The following PSMD1 variants were observed in gnomAD, a reference collection of about 807,000 sequenced individuals.
PSMD1 encodes the protein proteasome 26S subunit, non-ATPase 1, also known as 26S proteasome non-ATPase regulatory subunit 1.
Under a neutral mutation model 119.0 loss-of-function variants are expected in PSMD1, and 18 were observed. The observed-to-expected ratio is 0.15, with a 90% CI of 0.10 to 0.22. The LOEUF is 0.22. PSMD1 is among the 10% of genes least tolerant of loss of function. The pLI is 1.00. For missense variants in PSMD1, 702 were observed against 1,158.5 expected, an observed-to-expected ratio of 0.61 and a Z score of 5.72; for synonymous variants, 374 against 396.6, an observed-to-expected ratio of 0.94 and a Z score of 0.68.
chr2:231,070,257 T>C, intron 6 of PSMD1, 89 bp downstream of exon 6: 1 of 1,075,838 alleles, frequency 9.3e-7, no homozygotes, highest in South Asian at 4.3e-5. Flanking sequence ...TTTATATTAC[T>C]ATAATGGCTT....
intron 16 of PSMD1, chr2:231,123,407 A>G (rs772365577): frequency 6.2e-7 from 1 of 1,604,120 alleles, no homozygotes; most frequent in East Asian, 2.2e-5. Context: ...AAAGTGAAAT[A>G]CTTACCAAAC....
chr2:231,103,241 T>A (rs1036123352), intron 16 of PSMD1, among the ~76,000 whole-genome samples: 1 of 152,242 alleles, frequency 6.6e-6, no homozygotes, highest in African/African-American at 2.4e-5. Flanking sequence ...ACACCAGTTT[T>A]CTTGAATATG....
chr2:231,136,090 C>CT (rs1383916827), intron 16 of PSMD1, among the ~76,000 whole-genome samples: 4 of 152,048 alleles, frequency 2.6e-5, no homozygotes, highest in Non-Finnish European at 5.9e-5. Flanking sequence ...ACAGGATAGT[C>CT]TTTTTTTAAA....
chr2:231,122,186 A>G (rs560282370), intron 16 of PSMD1, among the ~76,000 whole-genome samples: 4 of 152,260 alleles, frequency 2.6e-5, no homozygotes, highest in African/African-American at 7.2e-5. Flanking sequence ...GTAGAACTTT[A>G]CTCATTACTG....
At chr2:231,149,526 A>G (rs1696326532) in intron 18 of PSMD1, among the ~76,000 whole-genome samples, 1 of 152,242 alleles carries the variant, frequency 6.6e-6, no homozygotes, top group African/African-American at 2.4e-5. Flanking sequence ...CATATTAAGT[A>G]TCATATATAA....
At chr2:231,126,558 A>T (rs893573655) in intron 16 of PSMD1, among the ~76,000 whole-genome samples, 15 of 152,214 alleles carry the variant, frequency 9.9e-5, no homozygotes, top group Non-Finnish European at 1.9e-4. Context: ...GTAATGTCAG[A>T]TTGAAAATAG....
chr2:231,106,141 A>AAATT (rs1202820775), intron 16 of PSMD1, among the ~76,000 whole-genome samples: 1 of 151,884 alleles, frequency 6.6e-6, no homozygotes, highest in Admixed American at 6.6e-5. Context: ...ATTTGCTTTC[A>AAATT]AATTATACAT....
At chr2:231,098,584 C>T (rs1694784136) in intron 16 of PSMD1, among the ~76,000 whole-genome samples, 1 of 151,870 alleles carries the variant, frequency 6.6e-6, no homozygotes, top group Admixed American at 6.6e-5. Flanking sequence ...TCTCCCCTCT[C>T]TGCTGTTCTT....
intron 11 of PSMD1, 29 bp from the exon 12 acceptor site, chr2:231,080,112 G>A (rs894597328): frequency 1.3e-6 from 2 of 1,555,520 alleles, no homozygotes; most frequent in African/African-American, 2.8e-5. Flanking sequence ...TTCTCTTTTT[G>A]ATGTCTTTGT....
At chr2:231,119,869 C>CAAA (rs78246469) in intron 16 of PSMD1, among the ~76,000 whole-genome samples, 22 of 79,944 alleles carry the variant, frequency 2.8e-4, no homozygotes, top group Non-Finnish European at 3.9e-4. Flanking sequence ...GACTCCGTCT[C>CAAA]AAAAAAAAAA....
At chr2:231,092,580 G>T (rs1234865107) in intron 16 of PSMD1, among the ~76,000 whole-genome samples, 2 of 152,158 alleles carry the variant, frequency 1.3e-5, no homozygotes, top group Non-Finnish European at 2.9e-5. Context: ...CCCTCCATCG[G>T]CCCAAATTGT....
intron 21 of PSMD1, among the ~76,000 whole-genome samples, chr2:231,164,435 A>C (rs924024790): frequency 2.0e-5 from 3 of 152,192 alleles, no homozygotes; most frequent in African/African-American, 4.8e-5. Flanking sequence ...TACTCAGTAA[A>C]ATTATACTTT....
intron 16 of PSMD1, chr2:231,108,834 G>T: frequency 6.2e-7 from 1 of 1,614,054 alleles, no homozygotes; most frequent in Non-Finnish European, 8.5e-7. Flanking sequence ...TAGACCAAAG[G>T]ATTCACTCCT....
chr2:231,133,120 G>C (rs1410371192), intron 16 of PSMD1, among the ~76,000 whole-genome samples: 1 of 152,094 alleles, frequency 6.6e-6, no homozygotes. Context: ...AGATTATTTG[G>C]AATCTGTTGT....
chr2:231,113,869 A>G lies in PSMD1; in HGVS notation c.1884-24867A>G, dbSNP rs777732759. ...GAGATGCATGATGGATGCGGTTGAA[A>G]AGAGAACGTCAAGAAATAACCAGGC... On this transcript the variant is annotated intron_variant, in intron 16 of 24. Transcript: ENST00000308696. 1.2e-6 allele frequency: 2 copies of G among 1,614,192 alleles called. No individual in the cohort carries two copies. The highest frequency in any genetic ancestry group is 1.7e-6 in the Non-Finnish European group (2 of 1,180,006).
rs560868500 is a variant in PSMD1 at position 231,083,067 on chromosome 2, T to C, written c.1525+73T>C. Reference sequence around the variant, plus strand: ...AAATGTAATTACATTAGTTTCTACCTATATTTTGTAGCCTCTTAAAATTCC... The same window carrying C: ...AAATGTAATTACATTAGTTTCTACCCATATTTTGTAGCCTCTTAAAATTCC... On this transcript the variant is annotated intron_variant, in intron 13 of 24. Coordinates refer to ENST00000308696, the MANE Select transcript of PSMD1 (RefSeq NM_002807.4). The C allele has an allele frequency of 1.6e-5, 18 of 1,120,782 alleles. No homozygotes were observed. In the African/African-American group the frequency reaches 2.8e-4, roughly 18 times the overall value. 69.4% of individuals were successfully genotyped at this position (1,120,782 alleles called of 1,614,324 possible). A position where few individuals can be genotyped will look rare whatever the true frequency, so the allele number is the denominator to read the frequency against.
chr2:231,110,761 G>A (rs775735091), intron 16 of PSMD1, among the ~76,000 whole-genome samples: 2 of 152,166 alleles, frequency 1.3e-5, no homozygotes, highest in Non-Finnish European at 2.9e-5. Context: ...TTCTATTTTT[G>A]TAAAAGTTTT....
rs540884613 is a variant in PSMD1 at position 231,126,962 on chromosome 2, G to A, written c.1884-11774G>A. On this transcript the variant is annotated intron_variant, in intron 16 of 24. Coordinates refer to ENST00000308696, the MANE Select transcript of PSMD1 (RefSeq NM_002807.4). ...CTAAACCTGTGCTCTAAAACCCTAA[G>A]CACTTTAAGTAGAAAGTAGCCTCTA... Among the ~76,000 whole-genome samples the A allele has an allele frequency of 3.9e-5, 6 of 151,988 alleles. No homozygotes were observed. In the South Asian group the frequency reaches 1.2e-3, roughly 32 times the overall value.
At chr2:231,155,025 G>A (rs890990907) in intron 19 of PSMD1, among the ~76,000 whole-genome samples, 5 of 152,164 alleles carry the variant, frequency 3.3e-5, no homozygotes, top group African/African-American at 9.7e-5. Flanking sequence ...TAGACTTGGA[G>A]TTCATTTGAC....
Sources: allele counts gnomAD v4.1 joint callset (sites outside exome capture counted in the v4.1 genomes callset), GRCh38; gene constraint gnomAD v4.1.1; transcripts MANE v1.5; gene names NCBI Gene and HGNC (gene_info 2026-07-23, HGNC 2026-07-21).